ZNF426: variants seen among roughly 807,000 people sequenced by gnomAD.
The protein encoded by ZNF426 is CTC-543D15.7.
ZNF426 carries 23 observed loss-of-function variants against 24.0 expected under a neutral mutation model. That is an observed-to-expected ratio of 0.96 (90% CI 0.69 to 1.36). The LOEUF (loss-of-function observed/expected upper bound fraction) is 1.36, where lower values mean the gene tolerates loss of function less well. ZNF426 is among the 40% of genes most tolerant of loss of function. ZNF426 has a pLI of 0.00. For missense variants in ZNF426, 646 were observed against 658.4 expected (o/e 0.98, Z 0.21); for synonymous variants, 272 against 224.6 (o/e 1.21, Z -1.89).
At chr19:9,532,987 G>A in intron 5 of ZNF426, 62 bp from the exon 6 acceptor site, 5 of 1,374,624 alleles carry the variant, frequency 3.6e-6, no homozygotes, top group Non-Finnish European at 5.1e-6. Context: ...ACCTTTCTGT[G>A]ATTCAGGAAC....
rs1326846978 is a variant in ZNF426, at chr19:9,528,826, G to C, written c.1219C>G (p.Leu407Val). The change falls in exon 8 of 8, where the codon CTT (leucine) becomes GTT (valine). Residue 407 changes from leucine to valine, a missense_variant. Physicochemically the swap from Leu to Val is conservative, Grantham distance 32. Coordinates refer to ENST00000253115, the MANE Select transcript of ZNF426 (RefSeq NM_024106.3). ...GTGTGAGTTCTCAAATGTCCACTAAGATTTGAGGAAACTGCAAAGGCTTTC... is the reference window on the plus strand; with the variant it reads ...GTGTGAGTTCTCAAATGTCCACTAACATTTGAGGAAACTGCAAAGGCTTTC... ...CGKAFAVSSN[L>V]SGHLRTHTEE... 1 of 1,613,772 alleles carries C rather than the reference G, an allele frequency of 6.2e-7. No individual in the cohort carries two copies. Among genetic ancestry groups the C allele is most frequent in the South Asian group, 1.1e-5 (1 of 91,064 alleles).
At position 9,528,971 on chromosome 19, in the gene ZNF426, G is replaced by A; in HGVS notation, c.1074C>T (p.His358=). Residue 358 remains histidine (H), a synonymous_variant, in exon 8 of 8, where the codon CAC becomes CAT. Coordinates refer to ENST00000253115, the MANE Select transcript of ZNF426 (RefSeq NM_024106.3). ...TACATTCATAGGGCTTGTCTCCACTGTGAGATCGTACATGCATACTAAGGC... is the reference window on the plus strand; with the variant it reads ...TACATTCATAGGGCTTGTCTCCACTATGAGATCGTACATGCATACTAAGGC... ...YSGLSMHVRS[H]SGDKPYECKE... is the part of the protein sequence containing the mutation. 1.9e-6 allele frequency: 3 copies of A among 1,613,992 alleles called. No individual in the cohort carries two copies. The highest frequency in any genetic ancestry group is 1.1e-5 in the South Asian group (1 of 91,066).
Position 9,527,288 on chromosome 19 carries a change from G to A in ZNF426, c.*1092C>T, listed in dbSNP as rs985354064. 7 of 152,058 alleles carry A rather than the reference G, an allele frequency of 4.6e-5. No individual in the cohort carries two copies. The highest frequency in any genetic ancestry group is 1.9e-4 in the East Asian group (1 of 5,190). 9.4% of individuals were successfully genotyped at this position (152,058 alleles called of 1,614,324 possible). Reference sequence around the variant, plus strand: ...CAGGTAAAAGGCTTCTCTCCAGTTCGACTTCTTACACCTTCTAGAAGGTAG... The same window carrying A: ...CAGGTAAAAGGCTTCTCTCCAGTTCAACTTCTTACACCTTCTAGAAGGTAG... On this transcript the variant is annotated 3_prime_UTR_variant, in exon 8 of 8. Transcript: ENST00000253115.
At chr19:9,534,227 ATG>A (rs1288089067) in intron 4 of ZNF426, among the ~76,000 whole-genome samples, 1 of 151,578 alleles carries the variant, frequency 6.6e-6, no homozygotes. Context: ...TTTTTTTGAA[ATG>A]GACTCTTACT....
At chr19:9,536,785 T>A (rs2073972368) in intron 2 of ZNF426, among the ~76,000 whole-genome samples, 1 of 152,060 alleles carries the variant, frequency 6.6e-6, no homozygotes, top group Admixed American at 6.6e-5. Flanking sequence ...TTATGGGTCT[T>A]CAAAGAGAAC....
chr19:9,537,812 G>A (rs115693055), intron 2 of ZNF426, among the ~76,000 whole-genome samples: 48 of 152,016 alleles, frequency 3.2e-4, no homozygotes, highest in African/African-American at 1.1e-3. Context: ...CACCACGCTC[G>A]GCTAATTTTT....
Position 9,524,821 on chromosome 19 carries a change from T to C in ZNF426, c.*3559A>G, listed in dbSNP as rs1208820793. 1 of 148,552 alleles carries C rather than the reference T, an allele frequency of 6.7e-6. No homozygotes were observed. The highest frequency in any genetic ancestry group is 1.5e-5 in the Non-Finnish European group (1 of 67,020). The allele number at this position is 148,552 out of a possible 1,614,324, so 9.2% of individuals were successfully genotyped here. On this transcript the variant is annotated 3_prime_UTR_variant, in exon 8 of 8. Coordinates refer to ENST00000253115, the MANE Select transcript of ZNF426 (RefSeq NM_024106.3). Reference sequence around the variant, plus strand: ...AAAAAAAAAAAAATTCAAGAATTTATCATACTACTTATATTCACAGGGTTT... The same window carrying C: ...AAAAAAAAAAAAATTCAAGAATTTACCATACTACTTATATTCACAGGGTTT...
intron 4 of ZNF426, among the ~76,000 whole-genome samples, chr19:9,534,849 C>T (rs2073941032): frequency 6.6e-6 from 1 of 152,132 alleles, no homozygotes; most frequent in African/African-American, 2.4e-5. Flanking sequence ...CCTGCCTCAG[C>T]CTCCTAAAGT....
In ZNF426 at chr19:9,523,935, T is replaced by C. The variant is rs1300681934; in HGVS notation, c.*4445A>G. On this transcript the variant is annotated 3_prime_UTR_variant, in exon 8 of 8. Transcript: ENST00000253115. The stretch of plus-strand genomic sequence containing the variant: ...TCCCTGACCTAGGCCATTCCACTTA[T>C]TATAGTCATCAAGTTATTCTCCAGC... 6.6e-6 allele frequency: 1 copy of C among 152,226 alleles called. No homozygotes were observed. The highest frequency in any genetic ancestry group is 1.5e-5 in the Non-Finnish European group (1 of 68,046). 9.4% of individuals were successfully genotyped at this position (152,226 alleles called of 1,614,324 possible). A position where few individuals can be genotyped will look rare whatever the true frequency, so the allele number is the denominator to read the frequency against.
intron 5 of ZNF426, 102 bp downstream of exon 5, chr19:9,533,738 A>G (rs369189470): frequency 9.9e-6 from 15 of 1,510,378 alleles, no homozygotes; most frequent in Non-Finnish European, 1.3e-5. Context: ...TGTCTCTGTT[A>G]TTTCTCTTTG....
intron 5 of ZNF426, among the ~76,000 whole-genome samples, chr19:9,533,297 A>C (rs966610824): frequency 3.3e-5 from 5 of 152,198 alleles, no homozygotes; most frequent in Admixed American, 6.5e-5. Flanking sequence ...AATACAAAAA[A>C]AAAAAAAAAA....
chr19:9,535,104 G>T, intron 4 of ZNF426, 84 bp downstream of exon 4: 2 of 983,488 alleles, frequency 2.0e-6, no homozygotes, highest in African/African-American at 1.7e-5. Flanking sequence ...AAAGAAGTCT[G>T]GAGACAACTC....
In ZNF426 at chr19:9,536,184, C is replaced by T. The variant is rs185062338; in HGVS notation, c.25+24G>A. Reference sequence around the variant, plus strand: ...GTAAAGGGAACCTAGAACAGGATATCCTAAAAAGAGCAACAGAGCTTACCA... The same window carrying T: ...GTAAAGGGAACCTAGAACAGGATATTCTAAAAAGAGCAACAGAGCTTACCA... On this transcript the variant is annotated intron_variant, in intron 3 of 7. Coordinates refer to ENST00000253115, the MANE Select transcript of ZNF426 (RefSeq NM_024106.3). The T allele has an allele frequency of 6.3e-5, 101 of 1,614,114 alleles. No individual in the cohort carries two copies. In the East Asian group the frequency reaches 9.6e-4, roughly 15 times the overall value.
At chr19:9,533,322 G>A (rs1429565869) in intron 5 of ZNF426, among the ~76,000 whole-genome samples, 52 of 152,092 alleles carry the variant, frequency 3.4e-4, no homozygotes, top group African/African-American at 2.4e-5. Flanking sequence ...TGGGTGTGGT[G>A]GCGCATGCCA....
rs765144428 is a variant in ZNF426, at chr19:9,528,652, T to C, written c.1393A>G (p.Ile465Val). The C allele has an allele frequency of 6.2e-7, 1 of 1,614,170 alleles. No individual in the cohort carries two copies. The highest frequency in any genetic ancestry group is 8.5e-7 in the Non-Finnish European group (1 of 1,180,000). Residue 465 changes from isoleucine to valine, a missense_variant, in exon 8 of 8, where the codon ATT (isoleucine) becomes GTT (valine). By Grantham distance (29) the Ile-to-Val change is conservative. Coordinates refer to ENST00000253115, the MANE Select transcript of ZNF426 (RefSeq NM_024106.3). ...KAFNYSTHLKIHMRIHTGEKP... is the reference protein window; with the variant it reads ...KAFNYSTHLKVHMRIHTGEKP... ...TCTCCAGTGTGGATTCGCATGTGAA[T>C]TTTAAGGTGGGTGGAATAGTTAAAA...
intron 2 of ZNF426, among the ~76,000 whole-genome samples, chr19:9,537,575 C>G (rs542342258): frequency 6.6e-6 from 1 of 151,372 alleles, no homozygotes; most frequent in African/African-American, 2.4e-5. Flanking sequence ...CAGGTGTGAG[C>G]CACTGTACCC....
rs530284464 is a variant in ZNF426, at chr19:9,536,289, G to A, written c.-57C>T. The A allele has an allele frequency of 3.1e-6, 5 of 1,613,978 alleles. No homozygotes were observed. The highest frequency in any genetic ancestry group is 4.2e-6 in the Non-Finnish European group (5 of 1,180,004). The stretch of plus-strand genomic sequence containing the variant: ...TTTCATTGATGTCACCATCACTTCA[G>A]GACACCTCATTAATCTAAATGGACA... On this transcript the variant is annotated 5_prime_UTR_variant, in exon 3 of 8. Transcript: ENST00000253115.
rs750316010 is a variant in ZNF426 at position 9,528,656 on chromosome 19, A to C, written c.1389T>G (p.Leu463=). Residue 463 remains leucine (L), a synonymous_variant, in exon 8 of 8, where the codon CTT becomes CTG. Transcript: ENST00000253115. ...CAGTGTGGATTCGCATGTGAATTTT[A>C]AGGTGGGTGGAATAGTTAAAAGCCT... ...CGKAFNYSTH[L]KIHMRIHTGE... 4.5e-5 allele frequency: 73 copies of C among 1,613,904 alleles called. No homozygotes were observed. Among genetic ancestry groups the C allele is most frequent in the Non-Finnish European group, 5.8e-5 (69 of 1,179,966 alleles).
intron 3 of ZNF426, among the ~76,000 whole-genome samples, chr19:9,535,488 G>A (rs1398789081): frequency 6.6e-6 from 1 of 152,104 alleles, no homozygotes; most frequent in Non-Finnish European, 1.5e-5. Context: ...AGAAGTTTGA[G>A]ATCAGCCTGG....
Sources: gnomAD v4.1 joint callset for allele counts (sites outside exome capture counted in the v4.1 genomes callset) on GRCh38, gnomAD v4.1.1 for gene constraint, MANE v1.5 for transcripts, NCBI Gene and HGNC (gene_info 2026-07-23, HGNC 2026-07-21) for gene names.